EHMT1: variants seen among roughly 807,000 people sequenced by gnomAD.
The protein encoded by EHMT1 is euchromatic histone lysine methyltransferase 1.
A neutral mutation model predicts 147.2 loss-of-function variants in EHMT1; 15 were observed. That is an observed-to-expected ratio of 0.10 (90% CI 0.07 to 0.16). The LOEUF (loss-of-function observed/expected upper bound fraction) is 0.16. EHMT1 is among the 10% of genes least tolerant of loss of function. The pLI, the probability that EHMT1 is intolerant of heterozygous loss-of-function variation, is 1.00. For synonymous variants in EHMT1, 795 were observed against 709.6 expected (o/e 1.12, Z -1.91); for missense variants, 1,587 against 1,772.4 (o/e 0.90, Z 1.88).
chr9:137,627,372 C>T (rs898926460), intron 1 of EHMT1, among the ~76,000 whole-genome samples: 10 of 150,664 alleles, frequency 6.6e-5, no homozygotes, highest in African/African-American at 2.4e-4. Context: ...AAACGATTCT[C>T]TTACCTCAGC....
intron 1 of EHMT1, among the ~76,000 whole-genome samples, chr9:137,669,471 C>T (rs1940230800): frequency 1.8e-4 from 1 of 5,598 alleles, no homozygotes; most frequent in East Asian, 5.3e-3. Context: ...ACCCAAGACG[C>T]CCCCCACAGC....
intron 8 of EHMT1, among the ~76,000 whole-genome samples, chr9:137,756,369 C>T (rs1949376503): frequency 6.6e-6 from 1 of 152,194 alleles, no homozygotes; most frequent in Non-Finnish European, 1.5e-5. Flanking sequence ...TATCCTTATA[C>T]CAGTGTCACC....
At chr9:137,794,233 ATT>A (rs951474630) in intron 16 of EHMT1, among the ~76,000 whole-genome samples, 4 of 152,150 alleles carry the variant, frequency 2.6e-5, no homozygotes, top group Non-Finnish European at 5.9e-5. Context: ...AATATTTAAT[ATT>A]TATCTTATTT....
At chr9:137,814,801 T>C (rs1588863494) in intron 22 of EHMT1, 2 of 567,960 alleles carry the variant, frequency 3.5e-6, no homozygotes. Flanking sequence ...CAGGAGGAGG[T>C]GCTGCTTATG....
intron 1 of EHMT1, among the ~76,000 whole-genome samples, chr9:137,686,151 C>T (rs2134691886): frequency 6.6e-6 from 1 of 152,260 alleles, no homozygotes; most frequent in Middle Eastern, 3.4e-3. Flanking sequence ...TCTCTCGTTC[C>T]TTAAGTTGTC....
chr9:137,716,882 T>C lies in EHMT1; in HGVS notation c.342T>C (p.Phe114=), dbSNP rs1554846429. Residue 114 remains phenylalanine, a synonymous_variant, in exon 3 of 27, where the codon TTT becomes TTC. Coordinates refer to ENST00000460843, the MANE Select transcript of EHMT1 (RefSeq NM_024757.5). Reference sequence around the variant, plus strand: ...AAAACCACGTCACTGCCGACGACTTTGTGCAGACTTCTGTCATCGGCAGCA... The same window carrying C: ...AAAACCACGTCACTGCCGACGACTTCGTGCAGACTTCTGTCATCGGCAGCA... The part of the protein sequence containing the change: ...AKQNHVTADD[F]VQTSVIGSNG... 3 of 1,613,066 alleles carry C rather than the reference T, an allele frequency of 1.9e-6. No homozygotes were observed. Among genetic ancestry groups the C allele is most frequent in the Non-Finnish European group, 2.5e-6 (3 of 1,179,868 alleles).
chr9:137,640,997 C>G, intron 1 of EHMT1: 1 of 200,146 alleles, frequency 5.0e-6, no homozygotes, highest in Non-Finnish European at 1.0e-5. Context: ...CATGTGTGTT[C>G]TATTAGTTAT....
At chr9:137,635,549 G>T (rs62590244) in intron 1 of EHMT1, among the ~76,000 whole-genome samples, 81,881 of 150,812 alleles carry the variant, frequency 0.54, 24,236 homozygotes, top group East Asian at 0.88. Flanking sequence ...AGCTGGGCGC[G>T]GTGGCTCACG....
At chr9:137,633,845 C>CA (rs1292499414) in intron 1 of EHMT1, among the ~76,000 whole-genome samples, 3 of 144,430 alleles carry the variant, frequency 2.1e-5, no homozygotes, top group Admixed American at 1.4e-4. Flanking sequence ...TTTTTTGAGA[C>CA]AGTCTCGCTC....
At chr9:137,662,508 T>C (rs970857384) in intron 1 of EHMT1, among the ~76,000 whole-genome samples, 3 of 151,864 alleles carry the variant, frequency 2.0e-5, no homozygotes, top group Non-Finnish European at 4.4e-5. Flanking sequence ...GCCTAGAATT[T>C]TTCTTTTTTG....
intron 1 of EHMT1, among the ~76,000 whole-genome samples, chr9:137,663,716 C>G (rs1223624158): frequency 6.6e-6 from 1 of 152,156 alleles, no homozygotes; most frequent in African/African-American, 2.4e-5. Flanking sequence ...TGCGAGCACA[C>G]CAGCCTTTTC....
Position 137,813,150 on chromosome 9 carries a change from C to A in EHMT1, c.3012C>A (p.Ser1004Arg), listed in dbSNP as rs1466565407. ...ALQDSAPDRP[S>R]PVERIVSRDI... ...AGGACTCGGCCCCCGACAGGCCCAG[C>A]CCCGTGGAGAGGATAGTGAGCAGGT... Residue 1004 changes from serine (S) to arginine (R), a missense_variant, in exon 20 of 27, where the codon AGC becomes AGA. By Grantham distance (110) the Ser-to-Arg change is moderately radical. Transcript: ENST00000460843. The surrounding 1 kb of genome is among the most constrained non-coding windows in gnomAD (Gnocchi z 4.9). The A allele has an allele frequency of 3.1e-6, 5 of 1,610,986 alleles. No individual in the cohort carries two copies. The highest frequency in any genetic ancestry group is 4.2e-6 in the Non-Finnish European group (5 of 1,179,996).
chr9:137,653,960 T>G (rs1351417765), intron 1 of EHMT1, among the ~76,000 whole-genome samples: 1 of 152,232 alleles, frequency 6.6e-6, no homozygotes, highest in Non-Finnish European at 1.5e-5. Flanking sequence ...TTCCCTGTGC[T>G]TTTTGTATAT....
intron 1 of EHMT1, among the ~76,000 whole-genome samples, chr9:137,635,675 T>A (rs111534706): frequency 2.7e-5 from 4 of 149,984 alleles, no homozygotes; most frequent in Non-Finnish European, 5.9e-5. Flanking sequence ...AAAAAATTAG[T>A]GGGACGTGGT....
At chr9:137,784,372 A>T (rs1384097334) in intron 15 of EHMT1, 3 of 1,270,394 alleles carry the variant, frequency 2.4e-6, no homozygotes, top group Non-Finnish European at 3.0e-6. Flanking sequence ...AGCCCCGGTA[A>T]ATAAATTGCA....
intron 18 of EHMT1, among the ~76,000 whole-genome samples, chr9:137,806,680 G>C (rs1486899181): frequency 6.6e-6 from 1 of 152,172 alleles, no homozygotes; most frequent in African/African-American, 2.4e-5. Flanking sequence ...TGATCCGCCC[G>C]CCTCGGACTC....
chr9:137,635,961 G>A (rs1001828186), intron 1 of EHMT1, among the ~76,000 whole-genome samples: 8 of 150,406 alleles, frequency 5.3e-5, no homozygotes, highest in Non-Finnish European at 8.9e-5. Context: ...TTGCTCTGTC[G>A]CCCAGGCTAG....
rs566300672 is a variant in EHMT1 at position 137,633,703 on chromosome 9, A to T, written c.21+14654A>T. Among the ~76,000 whole-genome samples, 3 of 152,158 alleles carry T rather than the reference A, an allele frequency of 2.0e-5. No homozygotes were observed. In the East Asian group the frequency reaches 5.8e-4, roughly 29 times the overall value. ...TACTTCCAGATCATTCCGTCACCCC[A>T]AAAAGAAACCTCATACCCATTAGCA... On this transcript the variant is annotated intron_variant, in intron 1 of 26. Transcript: ENST00000460843.
chr9:137,754,011 G>A (rs1231161577), intron 7 of EHMT1, among the ~76,000 whole-genome samples, 160 bp from the exon 8 acceptor site: 1 of 152,200 alleles, frequency 6.6e-6, no homozygotes, highest in Non-Finnish European at 1.5e-5. Flanking sequence ...GTGCCTTTAA[G>A]CGTGTGACCC....
Sources: allele counts gnomAD v4.1 joint callset (sites outside exome capture counted in the v4.1 genomes callset), GRCh38; gene constraint gnomAD v4.1.1; non-coding constraint Gnocchi (gnomAD v3.1); transcripts MANE v1.5; gene names NCBI Gene and HGNC (gene_info 2026-07-23, HGNC 2026-07-21).